The following SRGAP1 variants were observed in gnomAD, a reference collection of about 807,000 sequenced individuals.
The protein encoded by SRGAP1 is SLIT-ROBO Rho GTPase activating protein 1.
In SRGAP1, 43 loss-of-function variants were observed where a neutral mutation model predicts 121.9. That is an observed-to-expected ratio of 0.35 (90% CI 0.28 to 0.46). The LOEUF is 0.46. SRGAP1 is among the 20% of genes least tolerant of loss of function. The pLI is 1.00. For missense variants in SRGAP1, 1,102 were observed against 1,350.9 expected (o/e 0.82, Z 2.89); for synonymous variants, 447 against 485.4 (o/e 0.92, Z 1.04).
chr12:63,915,496 T>C (rs141134688), intron 1 of SRGAP1, among the ~76,000 whole-genome samples: 2 of 152,274 alleles, frequency 1.3e-5, no homozygotes, highest in Admixed American at 6.5e-5. Context: ...ATTGCATTCA[T>C]AGAGAAATAA....
intron 1 of SRGAP1, among the ~76,000 whole-genome samples, chr12:63,853,614 A>G (rs751300014): frequency 1.3e-5 from 2 of 152,260 alleles, no homozygotes; most frequent in East Asian, 3.8e-4. Context: ...GAGCACCTAC[A>G]GTGAGCCAGT....
intron 1 of SRGAP1, among the ~76,000 whole-genome samples, chr12:63,973,105 G>A (rs1392853953): frequency 2.0e-5 from 3 of 152,124 alleles, no homozygotes; most frequent in Admixed American, 6.5e-5. Flanking sequence ...CCAAGATCGC[G>A]CTACTGCATT....
At chr12:63,871,287 T>G (rs1332814927) in intron 1 of SRGAP1, among the ~76,000 whole-genome samples, 1 of 152,236 alleles carries the variant, frequency 6.6e-6, no homozygotes, top group African/African-American at 2.4e-5. Flanking sequence ...GCTTTTTGCT[T>G]TGCCATTTTT....
At position 64,094,922 on chromosome 12, in the gene SRGAP1, C is replaced by T. The variant is rs373137029; in HGVS notation, c.1540-10C>T. 2.2e-4 allele frequency: 355 copies of T among 1,613,852 alleles called. 1 individual carries two copies. In the African/African-American group the frequency reaches 4.0e-3, roughly 18 times the overall value. On this transcript the variant is annotated splice_polypyrimidine_tract_variant and intron_variant, in intron 12 of 21. Coordinates refer to ENST00000355086, the MANE Select transcript of SRGAP1 (RefSeq NM_020762.4). The stretch of plus-strand genomic sequence containing the variant: ...CCTTGAGGTTAACTGGTTTCCATCC[C>T]TTTACCCAGGACTCAGGACAGGTTA...
At chr12:64,120,018 G>A (rs1224436950) in intron 18 of SRGAP1, among the ~76,000 whole-genome samples, 14 of 152,016 alleles carry the variant, frequency 9.2e-5, no homozygotes, top group African/African-American at 3.1e-4. Context: ...TAATCCACCC[G>A]CCTCAGCCTC....
Position 64,153,303 on chromosome 12 carries a change from G to A in SRGAP1, c.*10631G>A, listed in dbSNP as rs1309573213. On this transcript the variant is annotated 3_prime_UTR_variant, in exon 22 of 22. Coordinates refer to ENST00000355086, the MANE Select transcript of SRGAP1 (RefSeq NM_020762.4). ...TGTGGACAGAGATCAGATTTTGGAG[G>A]CCAAAGTAAGGTACTTAAAATTAGC... 6.6e-6 allele frequency: 1 copy of A among 152,002 alleles called. No individual in the cohort carries two copies. Among genetic ancestry groups the A allele is most frequent in the Non-Finnish European group, 1.5e-5 (1 of 68,064 alleles). The allele number at this position is 152,002 out of a possible 1,614,324, so 9.4% of individuals were successfully genotyped here. A position where few individuals can be genotyped will look rare whatever the true frequency, so the allele number is the denominator to read the frequency against.
At chr12:64,049,534 A>G (rs1357877957) in intron 6 of SRGAP1, among the ~76,000 whole-genome samples, 1 of 152,196 alleles carries the variant, frequency 6.6e-6, no homozygotes, top group African/African-American at 2.4e-5. Context: ...CATGAGGGTA[A>G]TTGTCCCCAT....
chr12:63,934,474 CCTT>C (rs2031590913), intron 1 of SRGAP1, among the ~76,000 whole-genome samples: 1 of 152,174 alleles, frequency 6.6e-6, no homozygotes, highest in African/African-American at 2.4e-5. Flanking sequence ...ACATCAGAGT[CCTT>C]CTTTCCTCTG....
chr12:63,963,257 T>A (rs2032695344), intron 1 of SRGAP1, among the ~76,000 whole-genome samples: 1 of 152,328 alleles, frequency 6.6e-6, no homozygotes, highest in Non-Finnish European at 1.5e-5. Context: ...GTTACTACTT[T>A]AAAATTGTAT....
At chr12:64,011,530 A>G (rs2034250732) in intron 3 of SRGAP1, among the ~76,000 whole-genome samples, 1 of 152,186 alleles carries the variant, frequency 6.6e-6, no homozygotes, top group African/African-American at 2.4e-5. Flanking sequence ...AATAATACAA[A>G]TGCAAGATAT....
chr12:63,944,537 C>T (rs902333555), intron 1 of SRGAP1, among the ~76,000 whole-genome samples: 9 of 152,170 alleles, frequency 5.9e-5, no homozygotes, highest in African/African-American at 2.2e-4. Flanking sequence ...TGGAGGGGGA[C>T]ACACATTCAT....
rs192676916 is a variant in SRGAP1, at chr12:63,870,776, A to G, written c.67+25893A>G. ...GGCTGGTCTTGAACTCCTGAGCTCA[A>G]GAAATCCGCCTGCCTCACAATATTC... On this transcript the variant is annotated intron_variant, in intron 1 of 21. Transcript: ENST00000355086. 1.4e-3 allele frequency among the ~76,000 whole-genome samples: 208 copies of G among 152,170 alleles called. 1 individual carries two copies. The highest frequency in any genetic ancestry group is 2.4e-3 in the Non-Finnish European group (165 of 67,996).
chr12:64,035,337 T>C (rs63295161), intron 4 of SRGAP1, among the ~76,000 whole-genome samples: 1 of 33,738 alleles, frequency 3.0e-5, no homozygotes, highest in Non-Finnish European at 9.9e-5. Context: ...CAACTGCCCC[T>C]CTCCCACCTC....
At chr12:63,945,313 C>T (rs1224918480) in intron 1 of SRGAP1, among the ~76,000 whole-genome samples, 1 of 151,390 alleles carries the variant, frequency 6.6e-6, no homozygotes, top group Non-Finnish European at 1.5e-5. Flanking sequence ...ATGTGCAGAA[C>T]GCGCAGGTTT....
rs2036819405 is a variant in SRGAP1 at position 64,133,732 on chromosome 12, T to C, written c.2880+5532T>C. Among the ~76,000 whole-genome samples the C allele has an allele frequency of 1.3e-5, 2 of 152,170 alleles. 1 individual carries two copies. Among genetic ancestry groups the C allele is most frequent in the South Asian group, 4.1e-4 (2 of 4,832 alleles). The stretch of plus-strand genomic sequence containing the variant: ...AACTGGGTCAAGTCTGGAAATTGAT[T>C]GAGGGGCCATGATTCTCTGTTTTCA... On this transcript the variant is annotated intron_variant, in intron 21 of 21. Coordinates refer to ENST00000355086, the MANE Select transcript of SRGAP1 (RefSeq NM_020762.4).
At chr12:63,898,747 G>A (rs905321089) in intron 1 of SRGAP1, among the ~76,000 whole-genome samples, 2 of 152,064 alleles carry the variant, frequency 1.3e-5, no homozygotes, top group African/African-American at 2.4e-5. Context: ...CTATAGTATC[G>A]TCACATTTCC....
chr12:64,090,922 G>A (rs550836382), intron 11 of SRGAP1, among the ~76,000 whole-genome samples: 10 of 152,088 alleles, frequency 6.6e-5, no homozygotes, highest in Non-Finnish European at 1.0e-4. Flanking sequence ...CTTTATGACC[G>A]GTTGTATCTT....
At chr12:63,991,388 G>GATTTCTGACCTAGAAAGGGA (rs1341566725) in intron 3 of SRGAP1, among the ~76,000 whole-genome samples, 2 of 152,126 alleles carry the variant, frequency 1.3e-5, no homozygotes, top group African/African-American at 4.8e-5. Context: ...CATTAGATTT[G>GATTTCTGACCTAGAAAGGGA]ATTTCTGACC....
intron 2 of SRGAP1, among the ~76,000 whole-genome samples, chr12:63,988,279 AAAG>A (rs2033468315): frequency 6.6e-6 from 1 of 152,122 alleles, no homozygotes; most frequent in Non-Finnish European, 1.5e-5. Flanking sequence ...TTACTTCAGC[AAAG>A]AAGATCTACA....
Sources: gnomAD v4.1 joint callset for allele counts (sites outside exome capture counted in the v4.1 genomes callset) on GRCh38, gnomAD v4.1.1 for gene constraint, MANE v1.5 for transcripts, NCBI Gene and HGNC (gene_info 2026-07-23, HGNC 2026-07-21) for gene names.